The following AJAP1 variants were observed in gnomAD, a reference collection of about 807,000 sequenced individuals.
AJAP1 encodes the protein adherens junction-associated protein 1.
AJAP1 carries 5 observed loss-of-function variants against 35.0 expected under a neutral mutation model. The observed-to-expected ratio is 0.14, with a 90% confidence interval of 0.07 to 0.30. AJAP1 has a LOEUF of 0.30. Ranked by LOEUF, AJAP1 falls within the 10% of genes least tolerant of loss-of-function variation. AJAP1 has a pLI of 1.00. For missense variants in AJAP1, 586 were observed against 571.0 expected (o/e 1.03, Z -0.27); for synonymous variants, 284 against 249.3 (o/e 1.14, Z -1.31).
intron 2 of AJAP1, among the ~76,000 whole-genome samples, chr1:4,765,317 T>C (rs543312786): frequency 6.6e-6 from 1 of 152,310 alleles, no homozygotes; most frequent in Admixed American, 6.5e-5. Flanking sequence ...GGTGACATCA[T>C]TGTCAATCTA....
chr1:4,663,907 T>C (rs776597835), intron 1 of AJAP1, among the ~76,000 whole-genome samples: 130 of 152,260 alleles, frequency 8.5e-4, no homozygotes, highest in Middle Eastern at 3.4e-3. Flanking sequence ...ACTGCCCTTT[T>C]CGGGAGGCCT....
At chr1:4,764,380 C>T (rs771850853) in intron 2 of AJAP1, among the ~76,000 whole-genome samples, 3 of 152,184 alleles carry the variant, frequency 2.0e-5, no homozygotes, top group African/African-American at 7.2e-5. Context: ...GAGCAACTGA[C>T]TCAGACGAAG....
intron 1 of AJAP1, among the ~76,000 whole-genome samples, chr1:4,686,438 T>C (rs1639606792): frequency 6.6e-6 from 1 of 152,044 alleles, no homozygotes; most frequent in Non-Finnish European, 1.5e-5. Flanking sequence ...AGTGCGTGGG[T>C]AAGTCCATTA....
intron 2 of AJAP1, among the ~76,000 whole-genome samples, chr1:4,741,576 T>C (rs1352838814): frequency 2.0e-5 from 3 of 152,222 alleles, no homozygotes; most frequent in South Asian, 2.1e-4. Context: ...AGACATGAAC[T>C]TGGGGACACG....
At chr1:4,679,808 GGTGTGTGTGTGTGTGTGTGTGTGTGTGT>G (rs60846836) in intron 1 of AJAP1, among the ~76,000 whole-genome samples, 1 of 142,324 alleles carries the variant, frequency 7.0e-6, no homozygotes, top group Admixed American at 7.0e-5. Flanking sequence ...GAACCAATAG[GGTGTGTGTGTGTGTGTGTGTGTGTGTGT>G]GTGTGTGTGT....
intron 2 of AJAP1, among the ~76,000 whole-genome samples, chr1:4,730,963 G>A (rs113991994): frequency 6.6e-6 from 1 of 152,118 alleles, no homozygotes; most frequent in Admixed American, 6.5e-5. Flanking sequence ...AGTCTCACTC[G>A]TAAACTCGAC....
At chr1:4,725,785 C>T (rs957398024) in intron 2 of AJAP1, among the ~76,000 whole-genome samples, 1 of 152,182 alleles carries the variant, frequency 6.6e-6, no homozygotes, top group Non-Finnish European at 1.5e-5. Context: ...CTTGTAGACC[C>T]TGTCTCCTCC....
chr1:4,689,432 C>T (rs952243992), intron 1 of AJAP1, among the ~76,000 whole-genome samples: 3 of 152,184 alleles, frequency 2.0e-5, no homozygotes, highest in African/African-American at 7.2e-5. Flanking sequence ...ACGCAAGGCC[C>T]AGGAAGGCGG....
intron 2 of AJAP1, among the ~76,000 whole-genome samples, chr1:4,730,927 C>T (rs796778260): frequency 6.6e-6 from 1 of 152,164 alleles, no homozygotes. Flanking sequence ...AAAGTATGTC[C>T]CTGACCCTTT....
At chr1:4,762,881 C>T (rs919353815) in intron 2 of AJAP1, among the ~76,000 whole-genome samples, 5 of 152,094 alleles carry the variant, frequency 3.3e-5, no homozygotes, top group African/African-American at 2.4e-5. Flanking sequence ...GGCTTGGCAC[C>T]CTCTACCAAG....
In AJAP1 at chr1:4,712,253, CT is replaced by C; in HGVS notation, c.385del (p.Ser129ProfsTer24). On this transcript the variant is annotated frameshift_variant, in exon 2 of 6. Coordinates refer to ENST00000378191, the MANE Select transcript of AJAP1 (RefSeq NM_018836.4). LOFTEE classifies it high-confidence loss of function. ...CCCCCAGCTGCTGCCAAATCCAGCC[CT>C]TCCCTCGCCTCTTCGTCCTCGTCCT... ...AKPPAAAKSS[P>X]SLASSSSSSS... The C allele has an allele frequency of 6.6e-7, 1 of 1,524,808 alleles. No homozygotes were observed. 94.5% of individuals were successfully genotyped at this position (1,524,808 alleles called of 1,614,324 possible).
intron 5 of AJAP1, among the ~76,000 whole-genome samples, chr1:4,781,589 A>T (rs1441991983): frequency 6.6e-6 from 1 of 152,236 alleles, no homozygotes; most frequent in Non-Finnish European, 1.5e-5. Flanking sequence ...GATATGTGTC[A>T]TCTGCACAGA....
At chr1:4,780,386 A>G (rs1642035415) in intron 5 of AJAP1, among the ~76,000 whole-genome samples, 2 of 151,858 alleles carry the variant, frequency 1.3e-5, no homozygotes, top group South Asian at 4.2e-4. Context: ...AGAATCATAC[A>G]GCATTCGTCT....
rs148955833 is a variant in AJAP1 at position 4,718,091 on chromosome 1, A to G, written c.829+5392A>G. Among the ~76,000 whole-genome samples the G allele has an allele frequency of 1.9e-3, 284 of 151,922 alleles. No individual in the cohort carries two copies. In the Middle Eastern group the frequency reaches 0.02, roughly 11 times the overall value. ...GCTGGTCTTTAGGGTCTTAACTGGGATCTTCTGAATGGATGCAGCGTGGCA... is the reference window on the plus strand; with the variant it reads ...GCTGGTCTTTAGGGTCTTAACTGGGGTCTTCTGAATGGATGCAGCGTGGCA... On this transcript the variant is annotated intron_variant, in intron 2 of 5. Coordinates refer to ENST00000378191, the MANE Select transcript of AJAP1 (RefSeq NM_018836.4).
At chr1:4,774,760 C>G (rs1369973348) in intron 5 of AJAP1, among the ~76,000 whole-genome samples, 1 of 152,052 alleles carries the variant, frequency 6.6e-6, no homozygotes, top group Non-Finnish European at 1.5e-5. Flanking sequence ...GTGCCCTCCC[C>G]GTCCCAGGGG....
chr1:4,756,013 T>C (rs753898741), intron 2 of AJAP1, among the ~76,000 whole-genome samples: 3 of 152,138 alleles, frequency 2.0e-5, no homozygotes, highest in Non-Finnish European at 4.4e-5. Context: ...TAAACTCACT[T>C]AGCAGGGTTC....
intron 2 of AJAP1, among the ~76,000 whole-genome samples, chr1:4,763,065 G>A (rs1278520016): frequency 6.6e-6 from 1 of 152,202 alleles, no homozygotes; most frequent in Non-Finnish European, 1.5e-5. Context: ...GGCACACTGG[G>A]GGTGACCCTC....
intron 1 of AJAP1, among the ~76,000 whole-genome samples, chr1:4,662,490 C>T (rs767509338): frequency 3.3e-5 from 5 of 152,310 alleles, no homozygotes; most frequent in East Asian, 1.9e-4. Flanking sequence ...GCTGATGCAC[C>T]GTTGGGTTGT....
intron 2 of AJAP1, among the ~76,000 whole-genome samples, chr1:4,713,116 C>G (rs182031878): frequency 2.3e-4 from 35 of 152,260 alleles, no homozygotes; most frequent in African/African-American, 8.2e-4. Flanking sequence ...AGGATCCCCC[C>G]GCCCCAGAGT....
Sources: gnomAD v4.1 joint callset for allele counts (sites outside exome capture counted in the v4.1 genomes callset) on GRCh38, gnomAD v4.1.1 for gene constraint, MANE v1.5 for transcripts, NCBI Gene and HGNC (gene_info 2026-07-23, HGNC 2026-07-21) for gene names.